The following PDE11A variants were observed in gnomAD, a reference collection of about 807,000 sequenced individuals.
PDE11A encodes dual 3',5'-cyclic-AMP and -GMP phosphodiesterase 11A.
A neutral mutation model predicts 100.5 loss-of-function variants in PDE11A; 100 were observed. That is an observed-to-expected ratio of 1.00 (90% CI 0.85 to 1.18). The LOEUF is 1.18. Ranked by LOEUF, PDE11A falls within the 50% of genes most tolerant of loss-of-function variation. PDE11A has a pLI of 0.00. For missense variants in PDE11A, 1,141 were observed against 1,152.6 expected (o/e 0.99, Z 0.15); for synonymous variants, 381 against 420.8 (o/e 0.91, Z 1.16).
intron 2 of PDE11A, among the ~76,000 whole-genome samples, chr2:177,967,883 G>A (rs2085718577): frequency 1.3e-5 from 2 of 152,148 alleles, no homozygotes; most frequent in East Asian, 3.9e-4. Flanking sequence ...AATTCCATGA[G>A]GACAAATGTA....
intron 1 of PDE11A, among the ~76,000 whole-genome samples, chr2:178,021,542 TTAGA>T: frequency 6.6e-6 from 1 of 152,164 alleles, no homozygotes; most frequent in African/African-American, 2.4e-5. Context: ...AGGAAAATAA[TTAGA>T]TAAAGGAACA....
chr2:177,826,467 C>T (rs1015238897), intron 6 of PDE11A, among the ~76,000 whole-genome samples: 1 of 152,190 alleles, frequency 6.6e-6, no homozygotes, highest in South Asian at 2.1e-4. Flanking sequence ...ACCAGACAAG[C>T]TGAGGGAGCC....
At chr2:178,078,760 T>C (rs2087246342) in intron 2 of PDE11A, among the ~76,000 whole-genome samples, 1 of 152,224 alleles carries the variant, frequency 6.6e-6, no homozygotes, top group African/African-American at 2.4e-5. Context: ...TAGTAGAATA[T>C]GGATAAATTC....
intron 9 of PDE11A, among the ~76,000 whole-genome samples, chr2:177,784,425 G>A (rs1329412160): frequency 6.6e-6 from 1 of 151,904 alleles, no homozygotes; most frequent in Non-Finnish European, 1.5e-5. Context: ...TGATCTAAAC[G>A]GGAGAGGATC....
intron 9 of PDE11A, among the ~76,000 whole-genome samples, chr2:177,800,548 G>A (rs574449455): frequency 1.3e-5 from 2 of 152,236 alleles, no homozygotes; most frequent in African/African-American, 4.8e-5. Context: ...AGCAGCGTAT[G>A]CTGAGGATTG....
intron 14 of PDE11A, among the ~76,000 whole-genome samples, chr2:177,700,220 G>A (rs917136351): frequency 7.2e-5 from 11 of 151,974 alleles, no homozygotes; most frequent in Non-Finnish European, 1.6e-4. Flanking sequence ...TTATGGGGTC[G>A]AAGGCCTCCA....
chr2:177,869,474 C>T (rs541244185), intron 5 of PDE11A, among the ~76,000 whole-genome samples: 2 of 152,308 alleles, frequency 1.3e-5, no homozygotes, highest in East Asian at 3.9e-4. Context: ...TAACATGTCT[C>T]CGACTTTTCC....
chr2:177,938,136 G>T (rs2085300388), intron 2 of PDE11A, among the ~76,000 whole-genome samples: 1 of 152,194 alleles, frequency 6.6e-6, no homozygotes, highest in Non-Finnish European at 1.5e-5. Flanking sequence ...TTGGAAGGGA[G>T]GAGGGAAGAG....
At chr2:177,699,404 T>G (rs369523550) in intron 14 of PDE11A, among the ~76,000 whole-genome samples, 11 of 152,358 alleles carry the variant, frequency 7.2e-5, no homozygotes, top group African/African-American at 2.6e-4. Flanking sequence ...ATGTTGCATG[T>G]GACTGTACTT....
At position 178,016,021 on chromosome 2, in the gene PDE11A, G is replaced by C. The variant is rs537409274; in HGVS notation, c.913-1561C>G. On this transcript the variant is annotated intron_variant, in intron 1 of 19. Coordinates refer to ENST00000286063, the MANE Select transcript of PDE11A (RefSeq NM_016953.4). ...GCTCTGTCACCCAGGCTGGAATGCA[G>C]TCATTTGATCTCGGTTCACTGCAAC... 2.0e-5 allele frequency among the ~76,000 whole-genome samples: 3 copies of C among 151,586 alleles called. No homozygotes were observed. In the South Asian group the frequency reaches 6.2e-4, roughly 31 times the overall value.
intron 2 of PDE11A, among the ~76,000 whole-genome samples, chr2:177,995,834 A>T (rs2086066000): frequency 6.6e-6 from 1 of 152,150 alleles, no homozygotes; most frequent in Non-Finnish European, 1.5e-5. Context: ...AAATCTCCAA[A>T]TTCTAAATTA....
chr2:178,029,510 TAA>T (rs1169442164), intron 1 of PDE11A, among the ~76,000 whole-genome samples: 1 of 151,944 alleles, frequency 6.6e-6, no homozygotes, highest in Non-Finnish European at 1.5e-5. Flanking sequence ...GGTCCACAGT[TAA>T]AGAGTTCTTA....
chr2:177,935,264 C>T (rs578008260), intron 2 of PDE11A, among the ~76,000 whole-genome samples: 147 of 152,254 alleles, frequency 9.7e-4, no homozygotes, highest in Admixed American at 2.9e-3. Flanking sequence ...TTTACCAACA[C>T]CTCAACTCTT....
chr2:177,860,437 G>A (rs550219085), intron 5 of PDE11A, among the ~76,000 whole-genome samples: 76 of 151,882 alleles, frequency 5.0e-4, no homozygotes, highest in Non-Finnish European at 1.0e-3. Flanking sequence ...ATAATAATTA[G>A]AGAGGTTAAA....
intron 16 of PDE11A, among the ~76,000 whole-genome samples, chr2:177,676,627 G>C (rs2080778977): frequency 6.6e-6 from 1 of 152,200 alleles, no homozygotes; most frequent in South Asian, 2.1e-4. Context: ...GGCATCAGCA[G>C]CCCTCTCAAC....
Position 177,769,856 on chromosome 2 carries a change from C to G in PDE11A, c.1738-483G>C, listed in dbSNP as rs555817929. On this transcript the variant is annotated intron_variant, in intron 9 of 19. Transcript: ENST00000286063. The stretch of plus-strand genomic sequence containing the variant: ...TGAGCTGAGATCATGCCACTGCACT[C>G]CAGCCTGGGCGACAGAGTAAGACCC... Among the ~76,000 whole-genome samples, 14 of 146,186 alleles carry G rather than the reference C, an allele frequency of 9.6e-5. No individual in the cohort carries two copies. The South Asian group carries it at 2.6e-3, about 27-fold the overall frequency.
chr2:178,074,067 G>A (rs993860614), upstream of PDE11A, among the ~76,000 whole-genome samples: 4 of 152,124 alleles, frequency 2.6e-5, no homozygotes, highest in Non-Finnish European at 4.4e-5. Context: ...GCACTGACAC[G>A]TGCTAGTACT....
rs1314123948 is a variant in PDE11A, at chr2:178,071,601, C to T, written c.837G>A (p.Gln279=). 6.2e-7 allele frequency: 1 copy of T among 1,613,872 alleles called. No homozygotes were observed. ...CAATGATACCTTTGCCCCAGGGGAC[C>T]TGCACCTCATTTGAGTTCTCTGTGC... is the stretch of plus-strand genomic sequence containing the variant. ...CSSTENSNEV[Q]VPWGKGIIGY... Residue 279 remains glutamine, a synonymous_variant, in exon 1 of 20, where the codon CAG becomes CAA. Coordinates refer to ENST00000286063, the MANE Select transcript of PDE11A (RefSeq NM_016953.4).
chr2:177,894,668 A>G (rs1441173821), intron 4 of PDE11A, among the ~76,000 whole-genome samples: 1 of 152,196 alleles, frequency 6.6e-6, no homozygotes, highest in Non-Finnish European at 1.5e-5. Flanking sequence ...CTTTGTGGCA[A>G]TAATATACCA....
Sources: allele counts gnomAD v4.1 joint callset (sites outside exome capture counted in the v4.1 genomes callset), GRCh38; gene constraint gnomAD v4.1.1; transcripts MANE v1.5; gene names NCBI Gene and HGNC (gene_info 2026-07-23, HGNC 2026-07-21).